Variants in SNX18 observed in about 807,000 individuals in gnomAD.
SNX18 encodes the protein sorting nexin 18, also known as sorting nexin-18.
In SNX18, 35 loss-of-function variants were observed where a neutral mutation model predicts 48.7. The ratio of observed to expected loss-of-function variants is 0.72; its 90% CI spans 0.55 to 0.95. The LOEUF is 0.95. Ranked by LOEUF, SNX18 falls within the 40% of genes least tolerant of loss-of-function variation. The pLI, the probability that SNX18 is intolerant of heterozygous loss-of-function variation, is 0.00. For missense variants in SNX18, 824 were observed against 871.0 expected (o/e 0.95, Z 0.68); for synonymous variants, 492 against 384.7 (o/e 1.28, Z -3.26).
chr5:54,631,565 T>C, the SNX18 span, among the ~76,000 whole-genome samples: 1 of 152,238 alleles, frequency 6.6e-6, no homozygotes, highest in Non-Finnish European at 1.5e-5. Context: ...GAGCATCTAC[T>C]GTATGTAGGC....
intron 1 of SNX18, among the ~76,000 whole-genome samples, chr5:54,530,658 G>T (rs1456443838): frequency 1.3e-5 from 2 of 150,040 alleles, no homozygotes; most frequent in Non-Finnish European, 3.0e-5. Flanking sequence ...AAGCTTCAGA[G>T]GAGCTTAAAA....
At chr5:54,638,052 A>C in the SNX18 span, among the ~76,000 whole-genome samples, 16 of 152,186 alleles carry the variant, frequency 1.1e-4, no homozygotes, top group Non-Finnish European at 2.1e-4. Context: ...TACAAAACTC[A>C]TGTAATTGTT....
intron 1 of SNX18, among the ~76,000 whole-genome samples, chr5:54,524,848 A>G (rs914700897): frequency 9.8e-5 from 15 of 152,340 alleles, no homozygotes; most frequent in South Asian, 8.3e-4. Context: ...TTGACTAGCT[A>G]CAGAGACAGG....
At chr5:54,550,072 T>C (rs1233520115), downstream of SNX18, among the ~76,000 whole-genome samples, 7 of 152,206 alleles carry the variant, frequency 4.6e-5, no homozygotes, top group Non-Finnish European at 1.5e-5. Context: ...GGTGCTTCTG[T>C]TGGTGTTTGT....
At chr5:54,531,265 C>T (rs1762249857) in intron 1 of SNX18, among the ~76,000 whole-genome samples, 1 of 151,992 alleles carries the variant, frequency 6.6e-6, no homozygotes, top group Non-Finnish European at 1.5e-5. Context: ...GAGGCGCTGG[C>T]TCTCCTGAGG....
intron 1 of SNX18, among the ~76,000 whole-genome samples, chr5:54,531,048 C>A (rs1253073021): frequency 6.6e-6 from 1 of 152,050 alleles, no homozygotes; most frequent in Non-Finnish European, 1.5e-5. Context: ...TCACCCTGCC[C>A]ATCCAAACCA....
chr5:54,638,036 T>A, the SNX18 span, among the ~76,000 whole-genome samples: 1 of 152,100 alleles, frequency 6.6e-6, no homozygotes, highest in African/African-American at 2.4e-5. Context: ...AATTTCAAAA[T>A]CTCTGTACAA....
the SNX18 span, among the ~76,000 whole-genome samples, chr5:54,631,312 A>T: frequency 6.6e-6 from 1 of 152,264 alleles, no homozygotes; most frequent in Non-Finnish European, 1.5e-5. Flanking sequence ...TTTGTAGGAA[A>T]ATAAATCCAG....
At chr5:54,555,604 G>A in the SNX18 span, among the ~76,000 whole-genome samples, 1 of 151,940 alleles carries the variant, frequency 6.6e-6, no homozygotes, top group African/African-American at 2.4e-5. Context: ...GGAAGCCAAG[G>A]TGGGCATATC....
At chr5:54,619,865 G>A in the SNX18 span, among the ~76,000 whole-genome samples, 1 of 152,140 alleles carries the variant, frequency 6.6e-6, no homozygotes, top group Non-Finnish European at 1.5e-5. Flanking sequence ...TCTGGTTAGT[G>A]CTTGGTAAAT....
chr5:54,519,150 G>A lies in SNX18; in HGVS notation c.1198G>A (p.Asp400Asn). The change falls in exon 1 of 2, where the codon GAC becomes AAC. Residue 400 changes from aspartate to asparagine, a missense_variant. Asp to Asn is a conservative substitution (Grantham distance 23). Around this residue, in one of 3 missense-constraint regions of SNX18, gnomAD observed 443 missense variants for 503.6 expected, o/e 0.88. Transcript: ENST00000381410. ...GCAGGGCAAGAGGAAGGCCGAGAAGGACGAGATGGTGGGCGCCAACTTCTT... is the reference window on the plus strand; with the variant it reads ...GCAGGGCAAGAGGAAGGCCGAGAAGAACGAGATGGTGGGCGCCAACTTCTT... ...WKQGKRKAEK[D>N]EMVGANFFLT... The A allele has an allele frequency of 6.2e-7, 1 of 1,613,998 alleles. No homozygotes were observed. Among genetic ancestry groups the A allele is most frequent in the African/African-American group, 1.3e-5 (1 of 75,046 alleles).
chr5:54,519,191 G>T lies in SNX18; in HGVS notation c.1239G>T (p.Thr413=), dbSNP rs765675433. 2 of 1,613,528 alleles carry T rather than the reference G, an allele frequency of 1.2e-6. No individual in the cohort carries two copies. Among genetic ancestry groups the T allele is most frequent in the Admixed American group, 1.7e-5 (1 of 59,962 alleles). Residue 413 remains threonine, a synonymous_variant, in exon 1 of 2, where the codon ACG becomes ACT. Transcript: ENST00000381410. ...CCAACTTCTTCCTGACCCTTAGCAC[G>T]CCCCCCGCCGCTGCCCTTGACCTGC... ...VGANFFLTLS[T]PPAAALDLQE...
chr5:54,547,565 A>C (rs1469020897), downstream of SNX18, among the ~76,000 whole-genome samples: 1 of 152,210 alleles, frequency 6.6e-6, no homozygotes, highest in Non-Finnish European at 1.5e-5. Flanking sequence ...AACTTCCCAG[A>C]ATCTGCTGTT....
At chr5:54,631,575 C>G in the SNX18 span, among the ~76,000 whole-genome samples, 1 of 152,168 alleles carries the variant, frequency 6.6e-6, no homozygotes, top group South Asian at 2.1e-4. Flanking sequence ...TGTATGTAGG[C>G]CTCTATTCTG....
At chr5:54,593,298 G>T in the SNX18 span, among the ~76,000 whole-genome samples, 1 of 152,028 alleles carries the variant, frequency 6.6e-6, no homozygotes, top group Admixed American at 6.6e-5. Context: ...ACCTAATGGG[G>T]CTCAAAAGTA....
chr5:54,581,573 C>T, the SNX18 span, among the ~76,000 whole-genome samples: 1 of 152,190 alleles, frequency 6.6e-6, no homozygotes, highest in Non-Finnish European at 1.5e-5. Context: ...CTACCCCTGC[C>T]TGCTCCCACG....
At chr5:54,644,578 C>CT in the SNX18 span, 1 of 151,946 alleles carries the variant, frequency 6.6e-6, no homozygotes, top group Non-Finnish European at 1.5e-5. Context: ...TCAAGCCTTC[C>CT]TTTAGATAGG....
rs938392920 is a variant in SNX18, at chr5:54,518,239, C to T, written c.287C>T (p.Ser96Phe). ...CCCCTGCCTGTCGCGCCCCCCGCCT[C>T]CTTCAAGCCGCCGCCTGACGCCTTC... ...FEPLPVAPPA[S>F]FKPPPDAFQA... Residue 96 changes from serine (S) to phenylalanine (F), a missense_variant, in exon 1 of 2, where the codon TCC (serine) becomes TTC (phenylalanine). Ser to Phe is a radical substitution (Grantham distance 155). Coordinates refer to ENST00000381410, the MANE Select transcript of SNX18 (RefSeq NM_001102575.2). 2.8e-6 allele frequency: 4 copies of T among 1,448,894 alleles called. No homozygotes were observed. Among genetic ancestry groups the T allele is most frequent in the Non-Finnish European group, 3.6e-6 (4 of 1,108,148 alleles). The allele number at this position is 1,448,894 out of a possible 1,614,324, so 89.8% of individuals were successfully genotyped here.
At chr5:54,584,758 A>T in the SNX18 span, among the ~76,000 whole-genome samples, 1 of 152,140 alleles carries the variant, frequency 6.6e-6, no homozygotes, top group Admixed American at 6.5e-5. Context: ...GCAATCCTTG[A>T]CCACCAGAAG....
Sources: allele counts gnomAD v4.1 joint callset (sites outside exome capture counted in the v4.1 genomes callset), GRCh38; gene constraint gnomAD v4.1.1; regional missense constraint gnomAD v4.1.1; transcripts MANE v1.5; gene names NCBI Gene and HGNC (gene_info 2026-07-23, HGNC 2026-07-21).